The following SUCLG2 variants were observed in gnomAD, a reference collection of about 807,000 sequenced individuals.
SUCLG2 encodes the protein succinate-CoA ligase GDP-forming subunit beta.
Under a neutral mutation model 47.9 loss-of-function variants are expected in SUCLG2, and 42 were observed. The observed-to-expected ratio is 0.88, with a 90% CI of 0.69 to 1.14. The LOEUF is 1.14. Among genes scored for constraint, SUCLG2 ranks in the 50% most tolerant of loss-of-function variants. The pLI is 0.00. For missense variants in SUCLG2, 571 were observed against 525.9 expected (o/e 1.09, Z -0.84); for synonymous variants, 195 against 197.3 (o/e 0.99, Z 0.10).
At chr3:67,459,378 A>T (rs1294824216) in intron 9 of SUCLG2, among the ~76,000 whole-genome samples, 1 of 152,224 alleles carries the variant, frequency 6.6e-6, no homozygotes, top group Non-Finnish European at 1.5e-5. Flanking sequence ...GGCAGGCAGC[A>T]AATCTACTTC....
chr3:67,388,001 T>C (rs1183584884), intron 10 of SUCLG2, among the ~76,000 whole-genome samples: 2 of 151,796 alleles, frequency 1.3e-5, no homozygotes, highest in Admixed American at 1.3e-4. Context: ...TAAGACAATA[T>C]CTATAAAATG....
At chr3:67,491,996 GTC>G (rs1238139840) in intron 9 of SUCLG2, among the ~76,000 whole-genome samples, 9 of 152,202 alleles carry the variant, frequency 5.9e-5, no homozygotes, top group African/African-American at 2.2e-4. Context: ...AACCCAGGCA[GTC>G]TGGCATAAGA....
At chr3:67,481,284 C>A (rs1038510389) in intron 9 of SUCLG2, among the ~76,000 whole-genome samples, 1 of 152,230 alleles carries the variant, frequency 6.6e-6, no homozygotes, top group African/African-American at 2.4e-5. Flanking sequence ...GGCACTGGTA[C>A]ATAAACTGGC....
intron 2 of SUCLG2, among the ~76,000 whole-genome samples, chr3:67,586,427 G>A (rs1708021555): frequency 6.6e-6 from 1 of 152,178 alleles, no homozygotes; most frequent in African/African-American, 2.4e-5. Context: ...GAAGAGCTAT[G>A]AATAATAATG....
At chr3:67,430,134 C>A (rs1355028206) in intron 9 of SUCLG2, among the ~76,000 whole-genome samples, 2 of 152,222 alleles carry the variant, frequency 1.3e-5, no homozygotes, top group Non-Finnish European at 2.9e-5. Flanking sequence ...CACCCCAAAT[C>A]AACAGAATAT....
chr3:67,450,550 T>C (rs957771765), intron 9 of SUCLG2, among the ~76,000 whole-genome samples: 9 of 152,194 alleles, frequency 5.9e-5, no homozygotes, highest in African/African-American at 2.2e-4. Context: ...TTGAAAAAAA[T>C]TGAACAGTGA....
At position 67,507,736 on chromosome 3, in the gene SUCLG2, GTGTTTACACATAA is replaced by G. The variant is rs1705676639; in HGVS notation, c.757+1058_757+1070del. 2.6e-5 allele frequency among the ~76,000 whole-genome samples: 4 copies of G among 152,308 alleles called. No individual in the cohort carries two copies. The South Asian group carries it at 8.3e-4, about 32-fold the overall frequency. On this transcript the variant is annotated intron_variant, in intron 7 of 10. Transcript: ENST00000307227. Reference sequence around the variant, plus strand: ...CATCCGTCTTGGTCCAAAAGTTGATGTGTTTACACATAATGATTCACCCCAGTTAACAATTCAA... The same window carrying G: ...CATCCGTCTTGGTCCAAAAGTTGATGTGATTCACCCCAGTTAACAATTCAA...
intron 1 of SUCLG2, among the ~76,000 whole-genome samples, chr3:67,631,634 A>C (rs1414501973): frequency 6.6e-6 from 1 of 152,130 alleles, no homozygotes; most frequent in East Asian, 1.9e-4. Context: ...TTCAAAAAAA[A>C]TAAAAAAATA....
chr3:67,637,270 C>A (rs756618310), intron 1 of SUCLG2, among the ~76,000 whole-genome samples: 1 of 152,262 alleles, frequency 6.6e-6, no homozygotes, highest in East Asian at 1.9e-4. Flanking sequence ...TCTTAATAAG[C>A]CCACAGTATA....
At chr3:67,587,317 G>T (rs555043462) in intron 2 of SUCLG2, among the ~76,000 whole-genome samples, 1 of 152,150 alleles carries the variant, frequency 6.6e-6, no homozygotes, top group Non-Finnish European at 1.5e-5. Flanking sequence ...GATCTACCTG[G>T]AGACAAACAA....
At chr3:67,485,920 A>G (rs781430472) in intron 9 of SUCLG2, among the ~76,000 whole-genome samples, 1 of 152,196 alleles carries the variant, frequency 6.6e-6, no homozygotes, top group Non-Finnish European at 1.5e-5. Flanking sequence ...CAAGTAAACT[A>G]TGATAAGAAA....
At chr3:67,478,337 G>C (rs182766472) in intron 9 of SUCLG2, among the ~76,000 whole-genome samples, 87 of 152,294 alleles carry the variant, frequency 5.7e-4, no homozygotes, top group African/African-American at 1.9e-3. Flanking sequence ...CCAAACAAGC[G>C]AGGTGAAGAG....
intron 9 of SUCLG2, among the ~76,000 whole-genome samples, chr3:67,452,419 A>C (rs1169109206): frequency 6.6e-6 from 1 of 152,238 alleles, no homozygotes; most frequent in African/African-American, 2.4e-5. Context: ...GTTTGTAATT[A>C]GTGCATTGAT....
intron 10 of SUCLG2, among the ~76,000 whole-genome samples, chr3:67,362,067 C>T (rs1701810337): frequency 6.6e-6 from 1 of 152,144 alleles, no homozygotes. Context: ...ATAACTGACT[C>T]CCAGACTCAT....
chr3:67,606,421 G>C (rs998235479), intron 2 of SUCLG2, among the ~76,000 whole-genome samples: 2 of 152,146 alleles, frequency 1.3e-5, no homozygotes, highest in African/African-American at 4.8e-5. Context: ...AAAAAACTTA[G>C]TTATACCTGC....
intron 1 of SUCLG2, among the ~76,000 whole-genome samples, chr3:67,609,992 G>C (rs1700499347): frequency 6.6e-6 from 1 of 152,116 alleles, no homozygotes; most frequent in South Asian, 2.1e-4. Flanking sequence ...GAGTCTACAA[G>C]TATTTCAACA....
intron 2 of SUCLG2, among the ~76,000 whole-genome samples, chr3:67,544,055 T>C (rs150233561): frequency 7.9e-5 from 12 of 152,340 alleles, no homozygotes; most frequent in African/African-American, 2.9e-4. Flanking sequence ...AAAATATTAG[T>C]GAGCACTTAC....
intron 5 of SUCLG2, among the ~76,000 whole-genome samples, chr3:67,519,252 A>G (rs980164460): frequency 6.6e-6 from 1 of 152,170 alleles, no homozygotes; most frequent in Non-Finnish European, 1.5e-5. Flanking sequence ...GTGCTCTGCA[A>G]TGGGATGGTG....
chr3:67,423,402 C>G (rs1476772416), intron 9 of SUCLG2, among the ~76,000 whole-genome samples: 1 of 152,142 alleles, frequency 6.6e-6, no homozygotes, highest in Non-Finnish European at 1.5e-5. Flanking sequence ...TGAGAATGGA[C>G]TAATACACCT....
Sources: gnomAD v4.1 joint callset for allele counts (sites outside exome capture counted in the v4.1 genomes callset) on GRCh38, gnomAD v4.1.1 for gene constraint, MANE v1.5 for transcripts, NCBI Gene and HGNC (gene_info 2026-07-23, HGNC 2026-07-21) for gene names.